WSCD2: variants seen among roughly 807,000 people sequenced by gnomAD.
WSCD2 encodes WSC domain sialate O sulfotransferase 2.
WSCD2 carries 28 observed loss-of-function variants against 55.7 expected under a neutral mutation model. The ratio of observed to expected loss-of-function variants is 0.50; its 90% confidence interval spans 0.37 to 0.69. The LOEUF is 0.69. WSCD2 is among the 30% of genes least tolerant of loss of function. WSCD2 has a pLI of 0.00. For synonymous variants in WSCD2, 301 were observed against 301.9 expected, an observed-to-expected ratio of 1.00 and a Z score of 0.03; for missense variants, 616 against 762.1, an observed-to-expected ratio of 0.81 and a Z score of 2.26.
Position 108,139,648 on chromosome 12 carries a change from A to C in WSCD2, c.-552+9722A>C, listed in dbSNP as rs765876570. 2.7e-4 allele frequency among the ~76,000 whole-genome samples: 41 copies of C among 152,156 alleles called. 1 individual carries two copies. Among genetic ancestry groups the C allele is most frequent in the Non-Finnish European group, 5.0e-4 (34 of 68,032 alleles). ...TCTCATCTGTAAAATGGGGATAATA[A>C]TAATGCATTCTCCAAGGGTTGCTAT... On this transcript the variant is annotated intron_variant, in intron 1 of 8. Transcript: ENST00000547525.
intron 6 of WSCD2, 80 bp downstream of exon 6, chr12:108,227,244 C>G: frequency 6.7e-7 from 1 of 1,495,238 alleles, no homozygotes; most frequent in Non-Finnish European, 9.0e-7. Context: ...CCAGTCCATC[C>G]CACACAGCCT....
intron 1 of WSCD2, among the ~76,000 whole-genome samples, chr12:108,194,444 A>G (rs2137043635): frequency 6.6e-6 from 1 of 152,272 alleles, no homozygotes; most frequent in East Asian, 1.9e-4. Flanking sequence ...ACTGGTTAAG[A>G]GCTGTGATTT....
chr12:108,178,253 T>C (rs1368248807), intron 1 of WSCD2, among the ~76,000 whole-genome samples: 1 of 152,196 alleles, frequency 6.6e-6, no homozygotes, highest in Admixed American at 6.5e-5. Context: ...CCTCTGGATG[T>C]ATCTGTCCTG....
intron 1 of WSCD2, among the ~76,000 whole-genome samples, chr12:108,151,494 A>G (rs1390922747): frequency 1.3e-5 from 2 of 152,220 alleles, no homozygotes; most frequent in African/African-American, 2.4e-5. Flanking sequence ...GAGGGAAGAG[A>G]TGGAGTACAG....
intron 3 of WSCD2, among the ~76,000 whole-genome samples, 192 bp from the exon 4 acceptor site, chr12:108,209,929 T>A (rs1320345134): frequency 6.6e-6 from 1 of 152,064 alleles, no homozygotes; most frequent in African/African-American, 2.4e-5. Flanking sequence ...TGGGTGGGTC[T>A]CCTGTCCCCT....
chr12:108,185,609 CA>C (rs367996866), intron 1 of WSCD2, among the ~76,000 whole-genome samples: 180 of 152,290 alleles, frequency 1.2e-3, no homozygotes, highest in African/African-American at 3.9e-3. Flanking sequence ...ACAACCGAGG[CA>C]AAGGTTCACA....
At position 108,248,663 on chromosome 12, in the gene WSCD2, G is replaced by A. The variant is rs1273368053; in HGVS notation, c.*320G>A. On this transcript the variant is annotated 3_prime_UTR_variant, in exon 9 of 9. Transcript: ENST00000547525. The surrounding 1 kb of genome is among the most constrained non-coding windows in gnomAD (Gnocchi z 4.3). Reference sequence around the variant, plus strand: ...CTGGGTTCCATTTGTGGGAGGGAGGGCTCATCCACATCATGGAGACTTGCT... The same window carrying A: ...CTGGGTTCCATTTGTGGGAGGGAGGACTCATCCACATCATGGAGACTTGCT... 1 of 1,091,766 alleles carries A rather than the reference G, an allele frequency of 9.2e-7. No individual in the cohort carries two copies. The highest frequency in any genetic ancestry group is 1.1e-6 in the Non-Finnish European group (1 of 894,858). The allele number at this position is 1,091,766 out of a possible 1,614,324, so 67.6% of individuals were successfully genotyped here. A position where few individuals can be genotyped will look rare whatever the true frequency, so the allele number is the denominator to read the frequency against.
At chr12:108,240,201 G>A (rs1889611912) in intron 7 of WSCD2, 143 bp from the exon 8 acceptor site, 1 of 1,005,352 alleles carries the variant, frequency 9.9e-7, no homozygotes, top group Admixed American at 2.0e-5. Context: ...ACAGTGCCTG[G>A]CACATAGTAG....
intron 8 of WSCD2, 149 bp from the exon 9 acceptor site, chr12:108,247,842 C>A: frequency 1.1e-6 from 1 of 933,474 alleles, no homozygotes; most frequent in Non-Finnish European, 1.6e-6. Context: ...TAGGTGTGAG[C>A]CACCTCACCT....
chr12:108,166,463 G>A (rs1020604074), intron 1 of WSCD2, among the ~76,000 whole-genome samples: 3 of 152,146 alleles, frequency 2.0e-5, no homozygotes, highest in Admixed American at 6.5e-5. Flanking sequence ...CTGCCATTTT[G>A]GGGGAATGTT....
In WSCD2 at chr12:108,129,400, A is replaced by T. The variant is rs1875239870; in HGVS notation, c.-1078A>T. The T allele has an allele frequency of 6.6e-6, 1 of 151,296 alleles. No individual in the cohort carries two copies. The highest frequency in any genetic ancestry group is 1.5e-5 in the Non-Finnish European group (1 of 67,610). 9.4% of individuals were successfully genotyped at this position (151,296 alleles called of 1,614,324 possible). Reference sequence around the variant, plus strand: ...GGAGGCAGCGGCGAGGCAGCGAGAGAGAGCCAGGCGGCCGGAGCTCCGCGC... The same window carrying T: ...GGAGGCAGCGGCGAGGCAGCGAGAGTGAGCCAGGCGGCCGGAGCTCCGCGC... On this transcript the variant is annotated 5_prime_UTR_variant, in exon 1 of 9. Transcript: ENST00000547525.
intron 1 of WSCD2, among the ~76,000 whole-genome samples, chr12:108,140,650 C>G (rs2136878327): frequency 6.6e-6 from 1 of 152,300 alleles, no homozygotes; most frequent in African/African-American, 2.4e-5. Flanking sequence ...TGTCTTCTCC[C>G]CTGGACCGCC....
chr12:108,204,589 G>A (rs541076278), intron 2 of WSCD2, among the ~76,000 whole-genome samples: 11 of 152,338 alleles, frequency 7.2e-5, no homozygotes, highest in South Asian at 2.1e-4. Context: ...GGAGGGGCGC[G>A]CGCTGTTGAA....
intron 1 of WSCD2, among the ~76,000 whole-genome samples, chr12:108,172,414 A>G (rs1028671941): frequency 6.6e-5 from 10 of 152,222 alleles, no homozygotes; most frequent in Non-Finnish European, 1.5e-4. Context: ...ATACTGGGCT[A>G]AAGAGTGCCC....
intron 1 of WSCD2, among the ~76,000 whole-genome samples, chr12:108,146,414 C>G (rs184645719): frequency 6.6e-6 from 1 of 152,370 alleles, no homozygotes; most frequent in East Asian, 1.9e-4. Flanking sequence ...TGTCCTGGCA[C>G]AGAGGCCACC....
chr12:108,198,297 T>G (rs1042837120), intron 2 of WSCD2, among the ~76,000 whole-genome samples: 4 of 152,126 alleles, frequency 2.6e-5, no homozygotes, highest in Admixed American at 6.5e-5. Context: ...AATGACTGGA[T>G]GAATAAACGA....
chr12:108,172,183 C>T (rs920583095), intron 1 of WSCD2, among the ~76,000 whole-genome samples: 2 of 152,130 alleles, frequency 1.3e-5, no homozygotes, highest in Non-Finnish European at 2.9e-5. Flanking sequence ...GAATGGATGA[C>T]CAGAGAGGTT....
chr12:108,207,912 G>T (rs192985082), intron 3 of WSCD2, among the ~76,000 whole-genome samples: 21 of 152,264 alleles, frequency 1.4e-4, no homozygotes, highest in Admixed American at 5.9e-4. Context: ...GCCGGCAAGG[G>T]GAGACAAACA....
intron 1 of WSCD2, among the ~76,000 whole-genome samples, chr12:108,168,177 C>T (rs898205349): frequency 6.6e-6 from 1 of 152,132 alleles, no homozygotes; most frequent in African/African-American, 2.4e-5. Context: ...GCCTGGAAGC[C>T]GTAGCTATTT....
Sources: allele counts gnomAD v4.1 joint callset (sites outside exome capture counted in the v4.1 genomes callset), GRCh38; gene constraint gnomAD v4.1.1; non-coding constraint Gnocchi (gnomAD v3.1); transcripts MANE v1.5; gene names NCBI Gene and HGNC (gene_info 2026-07-23, HGNC 2026-07-21).